The following PLEKHA6 variants were observed in gnomAD, a reference collection of about 807,000 sequenced individuals.
PLEKHA6 encodes the protein pleckstrin homology domain-containing family A member 6.
In PLEKHA6, 60 loss-of-function variants were observed where a neutral mutation model predicts 116.7. The observed-to-expected ratio is 0.51, with a 90% CI of 0.42 to 0.64. PLEKHA6 has a LOEUF of 0.64. Among genes scored for constraint, PLEKHA6 ranks in the 30% least tolerant of loss-of-function variants. The pLI is 0.00. For synonymous variants in PLEKHA6, 489 were observed against 556.1 expected (o/e 0.88, Z 1.70); for missense variants, 1,338 against 1,422.7 (o/e 0.94, Z 0.96).
rs1673718825 is a variant in PLEKHA6 at position 204,368,817 on chromosome 1, TG to T, written c.161-962del. 3 of 152,114 alleles carry T rather than the reference TG, an allele frequency of 2.0e-5. No individual in the cohort carries two copies. The South Asian group carries it at 6.2e-4, about 32-fold the overall frequency. The allele number at this position is 152,114 out of a possible 1,614,324, so 9.4% of individuals were successfully genotyped here. Reference sequence around the variant, plus strand: ...CCTGGCTGACATATTGGAAAACAGGTGGGGATTCTCTTGATGGACAGTGACT... The same window carrying T: ...CCTGGCTGACATATTGGAAAACAGGTGGGATTCTCTTGATGGACAGTGACT... On this transcript the variant is annotated intron_variant, in intron 2 of 4. Coordinates refer to the PLEKHA6 transcript ENST00000564627.
At chr1:204,265,656 G>C (rs1381536210) in intron 5 of PLEKHA6, among the ~76,000 whole-genome samples, 1 of 152,218 alleles carries the variant, frequency 6.6e-6, no homozygotes, top group Non-Finnish European at 1.5e-5. Flanking sequence ...GATCATTGTA[G>C]AGTGGACTAT....
At position 204,250,611 on chromosome 1, in the gene PLEKHA6, G is replaced by C. The variant is rs1194090986; in HGVS notation, c.1528C>G (p.Pro510Ala). 23 of 1,611,104 alleles carry C rather than the reference G, an allele frequency of 1.4e-5. No homozygotes were observed. The highest frequency in any genetic ancestry group is 1.9e-5 in the Non-Finnish European group (22 of 1,177,894). ...TCCCGGAACACTTCTGGGTATGGAGGGACCTGCAGGAACATGAGGCCGGTT... is the reference window on the plus strand; with the variant it reads ...TCCCGGAACACTTCTGGGTATGGAGCGACCTGCAGGAACATGAGGCCGGTT... ...MRRSISSPKVPPYPEVFRDSL... is the reference protein window; with the variant it reads ...MRRSISSPKVAPYPEVFRDSL... Residue 510 changes from proline to alanine, a missense_variant, in exon 10 of 23, where the codon CCT (proline) becomes GCT (alanine). Around this residue, in one of 3 missense-constraint regions of PLEKHA6, gnomAD observed 1,136 missense variants for 1,163.6 expected, o/e 0.98. Coordinates refer to ENST00000272203, the MANE Select transcript of PLEKHA6 (RefSeq NM_014935.5).
Position 204,219,683 on chromosome 1 carries a change from T to C in PLEKHA6, c.*3105A>G, listed in dbSNP as rs1659450927. 6.6e-6 allele frequency: 1 copy of C among 152,216 alleles called. No homozygotes were observed. The highest frequency in any genetic ancestry group is 1.5e-5 in the Non-Finnish European group (1 of 68,052). The allele number at this position is 152,216 out of a possible 1,614,324, so 9.4% of individuals were successfully genotyped here. On this transcript the variant is annotated 3_prime_UTR_variant, in exon 23 of 23. Transcript: ENST00000272203. ...CTGCTCTAGATTCCCAAGCCCTTGA[T>C]TTCAGACCTAGACAAAGACTTCCAT...
Position 204,274,809 on chromosome 1 carries a change from G to A in PLEKHA6, c.-94C>T. On this transcript the variant is annotated splice_region_variant and 5_prime_UTR_variant, in exon 2 of 23. Transcript: ENST00000272203. The stretch of plus-strand genomic sequence containing the variant: ...GAAATGTGTTCCGTCTTTCATTGTG[G>A]CTGTAGAGGGAAAAACAGAAGAGTT... 3 of 985,790 alleles carry A rather than the reference G, an allele frequency of 3.0e-6. No individual in the cohort carries two copies. The highest frequency in any genetic ancestry group is 3.6e-6 in the Non-Finnish European group (3 of 829,866). The allele number at this position is 985,790 out of a possible 1,614,324, so 61.1% of individuals were successfully genotyped here. A position where few individuals can be genotyped will look rare whatever the true frequency, so the allele number is the denominator to read the frequency against.
intron 1 of PLEKHA6, among the ~76,000 whole-genome samples, chr1:204,350,275 G>A (rs1673232310): frequency 6.6e-6 from 1 of 152,220 alleles, no homozygotes; most frequent in Non-Finnish European, 1.5e-5. Context: ...GAGCTATGAT[G>A]TCACCAGGAC....
Position 204,228,636 on chromosome 1 carries a change from G to T in PLEKHA6, c.2885+92C>A. 1 of 1,181,306 alleles carries T rather than the reference G, an allele frequency of 8.5e-7. No individual in the cohort carries two copies. The highest frequency in any genetic ancestry group is 1.7e-5 in the Admixed American group (1 of 58,042). The allele number at this position is 1,181,306 out of a possible 1,614,324, so 73.2% of individuals were successfully genotyped here. On this transcript the variant is annotated intron_variant, in intron 20 of 22. Transcript: ENST00000272203. The surrounding 1 kb of genome is among the most constrained non-coding windows in gnomAD (Gnocchi z 4.0). ...ACCACCTCGATGTGCTCTCCCCTGGGGAGGCTCTGTGCCCCCAACGACTTC... is the reference window on the plus strand; with the variant it reads ...ACCACCTCGATGTGCTCTCCCCTGGTGAGGCTCTGTGCCCCCAACGACTTC...
At chr1:204,251,104 T>C (rs10900568) in intron 9 of PLEKHA6, among the ~76,000 whole-genome samples, 87,115 of 152,054 alleles carry the variant, frequency 0.57, 25,326 homozygotes, top group East Asian at 0.82. Context: ...CAGAAGCGTC[T>C]CCGGATCCAG....
intron 1 of PLEKHA6, among the ~76,000 whole-genome samples, chr1:204,354,210 G>A (rs888542838): frequency 9.2e-5 from 14 of 152,198 alleles, no homozygotes; most frequent in Non-Finnish European, 1.9e-4. Flanking sequence ...CCACCTCACT[G>A]CAGAAGTGGA....
At chr1:204,285,356 T>G (rs769124842) in intron 1 of PLEKHA6, among the ~76,000 whole-genome samples, 13 of 152,208 alleles carry the variant, frequency 8.5e-5, no homozygotes, top group Non-Finnish European at 1.9e-4. Flanking sequence ...AACAAAAAGT[T>G]AAAAATCAGA....
chr1:204,280,451 C>T, intron 1 of PLEKHA6: 1 of 985,350 alleles, frequency 1.0e-6, no homozygotes, highest in East Asian at 1.1e-4. Context: ...CTGGGCCTCT[C>T]TTGATTATCT....
intron 17 of PLEKHA6, among the ~76,000 whole-genome samples, chr1:204,237,702 T>G (rs549678092): frequency 1.3e-5 from 2 of 152,362 alleles, no homozygotes; most frequent in Admixed American, 6.5e-5. Context: ...TGCCTTCAGC[T>G]GGCAAGGCCA....
At position 204,230,529 on chromosome 1, in the gene PLEKHA6, C is replaced by A; in HGVS notation, c.2467G>T (p.Glu823Ter). Residue 823 changes from glutamate (E) to a stop codon, truncating the protein, a stop_gained, in exon 18 of 23, where the codon GAG becomes TAG. Coordinates refer to ENST00000272203, the MANE Select transcript of PLEKHA6 (RefSeq NM_014935.5). LOFTEE classifies it high-confidence loss of function. ...GEGKVKMSVE[E>*]QIDRMRRHQS... ...TGCCGCCGCATTCGGTCAATCTGCT[C>A]CTCCACGCTCATCTTGACCTTCCCC... 6.3e-7 allele frequency: 1 copy of A among 1,599,312 alleles called. No homozygotes were observed.
chr1:204,329,882 C>T (rs1441982750), intron 1 of PLEKHA6, among the ~76,000 whole-genome samples: 3 of 140,268 alleles, frequency 2.1e-5, no homozygotes, highest in Non-Finnish European at 4.7e-5. Flanking sequence ...AAGTGAGACC[C>T]TGTCTCAAAA....
chr1:204,299,401 C>G (rs893112341), intron 1 of PLEKHA6, among the ~76,000 whole-genome samples: 32 of 152,152 alleles, frequency 2.1e-4, no homozygotes, highest in Non-Finnish European at 4.0e-4. Flanking sequence ...CTTCCTACTG[C>G]CCAGTGCAGA....
intron 1 of PLEKHA6, among the ~76,000 whole-genome samples, chr1:204,286,701 G>GC (rs927674513): frequency 4.6e-5 from 7 of 152,042 alleles, no homozygotes; most frequent in South Asian, 2.1e-4. Flanking sequence ...CCCCCATGAA[G>GC]CCCCCCTGCC....
intron 1 of PLEKHA6, among the ~76,000 whole-genome samples, chr1:204,358,579 A>G (rs1325480386): frequency 6.6e-6 from 1 of 152,168 alleles, no homozygotes; most frequent in Non-Finnish European, 1.5e-5. Flanking sequence ...CTGCCCCACC[A>G]TGCAGGAGAC....
At chr1:204,279,452 A>G (rs1435904815) in intron 1 of PLEKHA6, among the ~76,000 whole-genome samples, 1 of 152,250 alleles carries the variant, frequency 6.6e-6, no homozygotes, top group Non-Finnish European at 1.5e-5. Context: ...GAGGCAGAAC[A>G]TTAAAAAGGG....
intron 17 of PLEKHA6, among the ~76,000 whole-genome samples, chr1:204,239,147 T>C (rs1397815592): frequency 1.3e-5 from 2 of 152,170 alleles, no homozygotes; most frequent in Non-Finnish European, 2.9e-5. Flanking sequence ...ATCAAGTGGA[T>C]AGGATGACCC....
At chr1:204,344,884 T>A (rs1365977889) in intron 1 of PLEKHA6, among the ~76,000 whole-genome samples, 2 of 152,088 alleles carry the variant, frequency 1.3e-5, no homozygotes, top group African/African-American at 4.8e-5. Context: ...CAAGCTGAAA[T>A]CTAACCCAGG....
Sources: allele counts gnomAD v4.1 joint callset (sites outside exome capture counted in the v4.1 genomes callset), GRCh38; gene constraint gnomAD v4.1.1; regional missense constraint gnomAD v4.1.1; non-coding constraint Gnocchi (gnomAD v3.1); transcripts MANE v1.5; gene names NCBI Gene and HGNC (gene_info 2026-07-23, HGNC 2026-07-21).